Variants in PRDM2 observed in about 807,000 individuals in gnomAD.
PRDM2 encodes the protein PR domain zinc finger protein 2.
PRDM2 carries 30 observed loss-of-function variants against 130.0 expected under a neutral mutation model. The ratio of observed to expected loss-of-function variants is 0.23; its 90% CI spans 0.17 to 0.31. The LOEUF is 0.31. PRDM2 is among the 10% of genes least tolerant of loss of function. The pLI, the probability that PRDM2 is intolerant of heterozygous loss-of-function variation, is 1.00. For missense variants in PRDM2, 2,011 were observed against 2,108.4 expected (o/e 0.95, Z 0.90); for synonymous variants, 871 against 782.4 (o/e 1.11, Z -1.89).
At chr1:13,772,233 A>G (rs1644375948) in intron 6 of PRDM2, 1 of 152,244 alleles carries the variant, frequency 6.6e-6, no homozygotes, top group Non-Finnish European at 1.5e-5. Flanking sequence ...AAAATGTAAA[A>G]GAAAGGTTGC....
chr1:13,802,020 G>A (rs534779012), intron 8 of PRDM2, among the ~76,000 whole-genome samples: 2 of 152,300 alleles, frequency 1.3e-5, no homozygotes, highest in Admixed American at 1.3e-4. Flanking sequence ...CGTGTGTAAG[G>A]TAGATTGAGC....
intron 6 of PRDM2, among the ~76,000 whole-genome samples, chr1:13,762,005 T>C (rs546627053): frequency 2.0e-5 from 3 of 152,366 alleles, no homozygotes; most frequent in South Asian, 2.1e-4. Flanking sequence ...AGAACGCCAT[T>C]GTCTTCATAT....
chr1:13,790,278 G>A (rs1173202567), intron 8 of PRDM2, among the ~76,000 whole-genome samples: 1 of 152,184 alleles, frequency 6.6e-6, no homozygotes, highest in Non-Finnish European at 1.5e-5. Flanking sequence ...TTTAGGCCTC[G>A]CAGTGCTGCA....
At chr1:13,703,376 G>A (rs1281854126) in intron 1 of PRDM2, among the ~76,000 whole-genome samples, 1 of 152,180 alleles carries the variant, frequency 6.6e-6, no homozygotes, top group African/African-American at 2.4e-5. Context: ...AATAGCACTT[G>A]AACCGCTGCA....
intron 1 of PRDM2, among the ~76,000 whole-genome samples, chr1:13,707,641 T>C (rs1346790796): frequency 6.6e-6 from 1 of 152,212 alleles, no homozygotes; most frequent in African/African-American, 2.4e-5. Flanking sequence ...ATCTGAAGCA[T>C]AGTTCTCATC....
chr1:13,727,021 T>A (rs1642939929), intron 2 of PRDM2, among the ~76,000 whole-genome samples: 1 of 152,136 alleles, frequency 6.6e-6, no homozygotes, highest in South Asian at 2.1e-4. Context: ...GATGAGTGTT[T>A]CTCAGAGACC....
chr1:13,705,476 T>A (rs1642179432), intron 1 of PRDM2: 1 of 152,128 alleles, frequency 6.6e-6, no homozygotes, highest in Non-Finnish European at 1.5e-5. Flanking sequence ...GTTTTCTACC[T>A]CCTTCCGTGC....
chr1:13,734,815 A>G (rs1311522313), intron 4 of PRDM2, among the ~76,000 whole-genome samples: 3 of 152,216 alleles, frequency 2.0e-5, no homozygotes, highest in Admixed American at 2.0e-4. Context: ...GAAACCTGTA[A>G]GCCTTTTGCT....
intron 6 of PRDM2, among the ~76,000 whole-genome samples, chr1:13,755,229 G>T (rs1363212119): frequency 6.6e-6 from 1 of 152,092 alleles, no homozygotes; most frequent in Non-Finnish European, 1.5e-5. Context: ...GTCTATCCTT[G>T]TTTACAGGGA....
intron 2 of PRDM2, among the ~76,000 whole-genome samples, chr1:13,720,080 G>T (rs1642674309): frequency 6.6e-6 from 1 of 152,072 alleles, no homozygotes; most frequent in Non-Finnish European, 1.5e-5. Flanking sequence ...TTTGAAACTA[G>T]GTGCTTTAAT....
rs1207993247 is a variant in PRDM2, at chr1:13,760,331, A to G, written c.511+10844A>G. ...TACCTTCAGTTTCTATGCTAAGCAC[A>G]TTAAAAAAAAAACCTGCCTAAAAAT... On this transcript the variant is annotated intron_variant, in intron 6 of 9. Transcript: ENST00000311066. 2.0e-5 allele frequency among the ~76,000 whole-genome samples: 3 copies of G among 152,158 alleles called. No individual in the cohort carries two copies. In the East Asian group the frequency reaches 5.8e-4, roughly 29 times the overall value.
At chr1:13,810,140 A>G (rs1469792468) in intron 8 of PRDM2, among the ~76,000 whole-genome samples, 1 of 112,768 alleles carries the variant, frequency 8.9e-6, no homozygotes, top group East Asian at 2.5e-4. Context: ...GGTGCAGGGG[A>G]CACAAAGGTT....
At chr1:13,700,542 C>T (rs1328452577) in intron 1 of PRDM2, among the ~76,000 whole-genome samples, 2 of 151,242 alleles carry the variant, frequency 1.3e-5, no homozygotes, top group Admixed American at 6.6e-5. Flanking sequence ...TCCTTGTCGG[C>T]CGTGGGGTCC....
chr1:13,811,731 G>A (rs911053220), intron 8 of PRDM2, among the ~76,000 whole-genome samples: 2 of 152,232 alleles, frequency 1.3e-5, no homozygotes, highest in African/African-American at 2.4e-5. Flanking sequence ...GAAAAGCTGT[G>A]AGCAAAAGGC....
rs910042838 is a variant in PRDM2 at position 13,779,038 on chromosome 1, G to C, written c.1243G>C (p.Gly415Arg). 1 of 1,614,186 alleles carries C rather than the reference G, an allele frequency of 6.2e-7. No homozygotes were observed. The highest frequency in any genetic ancestry group is 8.5e-7 in the Non-Finnish European group (1 of 1,180,018). Residue 415 changes from glycine (G) to arginine (R), a missense_variant, in exon 8 of 10, where the codon GGG (glycine) becomes CGG (arginine). This residue lies in a region of PRDM2 where 1,288 missense variants were observed against 1,237.7 expected (regional missense o/e 1.04). Transcript: ENST00000311066. This position sits in a 1 kb window ranked among gnomAD's most constrained non-coding sequence, Gnocchi z 4.9. ...RRRHERRHEA[G>R]LKRKPSQTLQ... The stretch of plus-strand genomic sequence containing the variant: ...GCGACATGAGCGGCGCCATGAAGCA[G>C]GGTTAAAGCGGAAACCCAGCCAAAC...
At position 13,779,214 on chromosome 1, in the gene PRDM2, A is replaced by G; in HGVS notation, c.1419A>G (p.Val473=). The change falls in exon 8 of 10, where the codon GTA becomes GTG. Residue 473 remains valine (V), a synonymous_variant. Coordinates refer to ENST00000311066, the MANE Select transcript of PRDM2 (RefSeq NM_001393986.1). The surrounding 1 kb of genome is among the most constrained non-coding windows in gnomAD (Gnocchi z 4.9). The part of the protein sequence containing the change: ...ASQDTINSSV[V]EENGEVKELH... ...AAGACACAATAAATTCTTCTGTCGT[A>G]GAAGAGAATGGGGAAGTTAAAGAAC... 6.2e-7 allele frequency: 1 copy of G among 1,614,212 alleles called. No homozygotes were observed. The highest frequency in any genetic ancestry group is 1.3e-5 in the African/African-American group (1 of 75,058).
chr1:13,819,685 G>A (rs1463943519), intron 9 of PRDM2, among the ~76,000 whole-genome samples: 1 of 152,212 alleles, frequency 6.6e-6, no homozygotes, highest in Non-Finnish European at 1.5e-5. Context: ...TCTTGAGGCT[G>A]CAAGTACCAG....
intron 5 of PRDM2, among the ~76,000 whole-genome samples, chr1:13,748,440 T>C (rs1032580692): frequency 6.6e-6 from 1 of 152,220 alleles, no homozygotes; most frequent in Non-Finnish European, 1.5e-5. Flanking sequence ...TTCCTTCCTT[T>C]CTTCATTCAT....
At chr1:13,758,560 T>C (rs1177008523) in intron 6 of PRDM2, among the ~76,000 whole-genome samples, 2 of 152,218 alleles carry the variant, frequency 1.3e-5, no homozygotes, top group African/African-American at 2.4e-5. Flanking sequence ...CAAAGGTCTT[T>C]AGCATTTTTC....
Sources: gnomAD v4.1 joint callset for allele counts (sites outside exome capture counted in the v4.1 genomes callset) on GRCh38, gnomAD v4.1.1 for gene constraint, gnomAD v4.1.1 regional missense constraint, Gnocchi (gnomAD v3.1) non-coding constraint, MANE v1.5 for transcripts, NCBI Gene and HGNC (gene_info 2026-07-23, HGNC 2026-07-21) for gene names.